FAAH: variants seen among roughly 807,000 people sequenced by gnomAD.
FAAH encodes fatty acid amide hydrolase.
A neutral mutation model predicts 69.7 loss-of-function variants in FAAH; 63 were observed. The ratio of observed to expected loss-of-function variants is 0.90; its 90% CI spans 0.74 to 1.12. The LOEUF is 1.12. FAAH is among the 50% of genes most tolerant of loss of function. The probability of loss-of-function intolerance (pLI) is 0.00; values close to 1 mark genes in which losing one functional copy is unlikely to be tolerated. For missense variants in FAAH, 680 were observed against 755.0 expected (o/e 0.90, Z 1.16); for synonymous variants, 305 against 324.2 (o/e 0.94, Z 0.64).
In FAAH at chr1:46,413,151, TG is replaced by T; in HGVS notation, c.1543del (p.Glu515ArgfsTer25). 6.2e-7 allele frequency: 1 copy of T among 1,614,132 alleles called. No individual in the cohort carries two copies. The highest frequency in any genetic ancestry group is 8.5e-7 in the Non-Finnish European group (1 of 1,180,026). On this transcript the variant is annotated frameshift_variant, in exon 14 of 15. Coordinates refer to ENST00000243167, the MANE Select transcript of FAAH (RefSeq NM_001441.3). LOFTEE classifies it high-confidence loss of function. ...GVVPVTTVTA[E>X]DEAQMEHYRG... Reference sequence around the variant, plus strand: ...TGGTGCCTGTCACCACGGTGACTGCTGAGGACGAGGCCCAGATGGAACATTA... The same window carrying T: ...TGGTGCCTGTCACCACGGTGACTGCTAGGACGAGGCCCAGATGGAACATTA...
Position 46,413,143 on chromosome 1 carries a change from G to A in FAAH, c.1534G>A (p.Val512Met), listed in dbSNP as rs1190574540. Residue 512 changes from valine (V) to methionine (M), a missense_variant, in exon 14 of 15, where the codon GTG (valine) becomes ATG (methionine). Coordinates refer to ENST00000243167, the MANE Select transcript of FAAH (RefSeq NM_001441.3). ...FPAGVVPVTT[V>M]TAEDEAQMEH... ...TGCAGGGGTGGTGCCTGTCACCACG[G>A]TGACTGCTGAGGACGAGGCCCAGAT... 2 of 1,614,048 alleles carry A rather than the reference G, an allele frequency of 1.2e-6. No individual in the cohort carries two copies. Among genetic ancestry groups the A allele is most frequent in the Non-Finnish European group, 1.7e-6 (2 of 1,180,022 alleles).
intron 8 of FAAH, 24 bp from the exon 9 acceptor site, chr1:46,409,077 C>A (rs771633969): frequency 6.3e-7 from 1 of 1,592,392 alleles, no homozygotes; most frequent in Non-Finnish European, 8.6e-7. Flanking sequence ...GGTCAGGAGG[C>A]CTTACACCCC....
chr1:46,402,233 T>A, intron 2 of FAAH, 29 bp downstream of exon 2: 1 of 1,552,122 alleles, frequency 6.4e-7, no homozygotes, highest in Non-Finnish European at 8.7e-7. Context: ...AGCCCCTCCC[T>A]GGGAAAGGTA....
rs781011333 is a variant in FAAH, at chr1:46,405,684, CG to C, written c.678del (p.Ser227LeufsTer8). 6.2e-7 allele frequency: 1 copy of C among 1,613,562 alleles called. No homozygotes were observed. The stretch of plus-strand genomic sequence containing the variant: ...CCTCAGGGGGTGAAGGGGCCCTCAT[CG>C]GGTCTGGAGGCTCCCCCCTGGGCTT... Reference protein sequence around the residue: ...GSSGGEGALIGSGGSPLGLGT... With the variant: ...GSSGGEGALIXSGGSPLGLGT... On this transcript the variant is annotated frameshift_variant, in exon 5 of 15. Coordinates refer to ENST00000243167, the MANE Select transcript of FAAH (RefSeq NM_001441.3). LOFTEE classifies it high-confidence loss of function. The surrounding 1 kb of genome is among the most constrained non-coding windows in gnomAD (Gnocchi z 4.1).
chr1:46,410,558 G>A lies in FAAH; in HGVS notation c.1275+61G>A, dbSNP rs1022361754. The stretch of plus-strand genomic sequence containing the variant: ...GGGGGGGAACCTAGGGCCTCCTATC[G>A]CATGATCCCCCATGGCCTCCCTCAG... On this transcript the variant is annotated intron_variant, in intron 10 of 14. Coordinates refer to ENST00000243167, the MANE Select transcript of FAAH (RefSeq NM_001441.3). This position sits in a 1 kb window ranked among gnomAD's most constrained non-coding sequence, Gnocchi z 4.9. 6.1e-6 allele frequency: 9 copies of A among 1,479,248 alleles called. No individual in the cohort carries two copies. Among genetic ancestry groups the A allele is most frequent in the Admixed American group, 1.7e-5 (1 of 59,118 alleles). The allele number at this position is 1,479,248 out of a possible 1,614,324, so 91.6% of individuals were successfully genotyped here. A position where few individuals can be genotyped will look rare whatever the true frequency, so the allele number is the denominator to read the frequency against.
intron 1 of FAAH, among the ~76,000 whole-genome samples, chr1:46,394,986 C>T (rs115586996): frequency 0.015 from 2,221 of 152,246 alleles, 65 homozygotes; most frequent in African/African-American, 0.049. Context: ...GACTCCCAGG[C>T]AAGAGTGCAG....
chr1:46,395,634 A>C (rs56130131), intron 1 of FAAH, among the ~76,000 whole-genome samples: 35,447 of 152,164 alleles, frequency 0.23, 4,521 homozygotes, highest in Non-Finnish European at 0.29. Flanking sequence ...GGAAGGCTTT[A>C]CAGGTTGGGA....
Position 46,412,121 on chromosome 1 carries a change from T to C in FAAH, c.1357-22T>C, listed in dbSNP as rs201683298. 5 of 1,548,608 alleles carry C rather than the reference T, an allele frequency of 3.2e-6. No individual in the cohort carries two copies. The Admixed American group carries it at 7.8e-5, about 24-fold the overall frequency. ...TGGGCTAGGTCTGAGTGCTTTCACC[T>C]GGTGTGTTGTGTCCTCCGCAGGTGT... On this transcript the variant is annotated intron_variant, in intron 12 of 14. Coordinates refer to ENST00000243167, the MANE Select transcript of FAAH (RefSeq NM_001441.3).
At chr1:46,399,652 G>C (rs1181830126) in intron 1 of FAAH, among the ~76,000 whole-genome samples, 1 of 152,144 alleles carries the variant, frequency 6.6e-6, no homozygotes, top group Non-Finnish European at 1.5e-5. Flanking sequence ...TGCTGATTTC[G>C]ATGTCCTTCT....
Position 46,394,512 on chromosome 1 carries a change from T to C in FAAH, c.164T>C (p.Met55Thr), listed in dbSNP as rs1024653476. 1.1e-4 allele frequency: 146 copies of C among 1,388,876 alleles called. No individual in the cohort carries two copies. The highest frequency in any genetic ancestry group is 1.2e-4 in the Non-Finnish European group (125 of 1,077,912). The allele number at this position is 1,388,876 out of a possible 1,614,324, so 86.0% of individuals were successfully genotyped here. ...AGGCAGCGAGCGGGCCTGGAGAACATGGACAGGGCGGCGCAGCGCTTCCGG... is the reference window on the plus strand; with the variant it reads ...AGGCAGCGAGCGGGCCTGGAGAACACGGACAGGGCGGCGCAGCGCTTCCGG... ...RQRQRAGLENMDRAAQRFRLQ... is the reference protein window; with the variant it reads ...RQRQRAGLENTDRAAQRFRLQ... The change falls in exon 1 of 15, where the codon ATG becomes ACG. Residue 55 changes from methionine to threonine, a missense_variant. Physicochemically the swap from Met to Thr is moderately conservative, Grantham distance 81 (BLOSUM62 -1). Coordinates refer to ENST00000243167, the MANE Select transcript of FAAH (RefSeq NM_001441.3).
In FAAH at chr1:46,411,162, G is replaced by A. The variant is rs1466169727; in HGVS notation, c.1316+308G>A. Reference sequence around the variant, plus strand: ...TGGGGGTTGGCCTGGGCCAAGGGTGGGGCACCCGGGAGAGATGCCACTGTT... The same window carrying A: ...TGGGGGTTGGCCTGGGCCAAGGGTGAGGCACCCGGGAGAGATGCCACTGTT... On this transcript the variant is annotated intron_variant, in intron 11 of 14. Coordinates refer to ENST00000243167, the MANE Select transcript of FAAH (RefSeq NM_001441.3). This position sits in a 1 kb window ranked among gnomAD's most constrained non-coding sequence, Gnocchi z 4.8. Among the ~76,000 whole-genome samples the A allele has an allele frequency of 6.6e-6, 1 of 152,228 alleles. No homozygotes were observed. The highest frequency in any genetic ancestry group is 1.5e-5 in the Non-Finnish European group (1 of 68,034).
intron 1 of FAAH, among the ~76,000 whole-genome samples, chr1:46,398,560 G>T (rs528785835): frequency 5.8e-4 from 87 of 150,310 alleles, no homozygotes; most frequent in African/African-American, 1.9e-3. Flanking sequence ...TTGAGTCAGA[G>T]TCTTGCTCTG....
rs929063146 is a variant in FAAH, at chr1:46,405,127, C to T, written c.423C>T (p.Leu141=). The part of the protein sequence containing the change: ...QGLLYGVPVS[L]KECFTYKGQD... ...TGCTCTATGGCGTCCCTGTGAGCCTCAAGGAGTGCTTCACCTACAAGGTAT... is the reference window on the plus strand; with the variant it reads ...TGCTCTATGGCGTCCCTGTGAGCCTTAAGGAGTGCTTCACCTACAAGGTAT... Residue 141 remains leucine (L), a synonymous_variant, in exon 3 of 15, where the codon CTC becomes CTT. Coordinates refer to ENST00000243167, the MANE Select transcript of FAAH (RefSeq NM_001441.3). This position sits in a 1 kb window ranked among gnomAD's most constrained non-coding sequence, Gnocchi z 4.1. The T allele has an allele frequency of 5.0e-6, 8 of 1,613,688 alleles. No homozygotes were observed. In the Admixed American group the frequency reaches 8.3e-5, roughly 17 times the overall value.
intron 1 of FAAH, among the ~76,000 whole-genome samples, chr1:46,395,151 G>T (rs1030792791): frequency 2.7e-4 from 41 of 152,346 alleles, no homozygotes; most frequent in Middle Eastern, 3.4e-3. Context: ...ATGTTGGCCA[G>T]GCTGATCTCA....
In FAAH at chr1:46,405,432, G is replaced by A. The variant is rs765213424; in HGVS notation, c.505G>A (p.Val169Ile). The change falls in exon 4 of 15, where the codon GTA becomes ATA. Residue 169 changes from valine (V) to isoleucine (I), a missense_variant. Transcript: ENST00000243167. This position sits in a 1 kb window ranked among gnomAD's most constrained non-coding sequence, Gnocchi z 4.1. Reference sequence around the variant, plus strand: ...AGGGGTGCCGGCGGAGTGCGACAGCGTAGTGGTGCATGTGCTGAAGCTGCA... The same window carrying A: ...AGGGGTGCCGGCGGAGTGCGACAGCATAGTGGTGCATGTGCTGAAGCTGCA... ...NEGVPAECDS[V>I]VVHVLKLQGA... 5 of 1,604,374 alleles carry A rather than the reference G, an allele frequency of 3.1e-6. No homozygotes were observed. Among genetic ancestry groups the A allele is most frequent in the Non-Finnish European group, 2.6e-6 (3 of 1,174,560 alleles).
At chr1:46,394,971 G>A (rs1664571784) in intron 1 of FAAH, among the ~76,000 whole-genome samples, 1 of 152,064 alleles carries the variant, frequency 6.6e-6, no homozygotes, top group African/African-American at 2.4e-5. Context: ...ACGGAGTCTC[G>A]CTCTGACTCC....
At chr1:46,395,198 C>A (rs1664575543) in intron 1 of FAAH, among the ~76,000 whole-genome samples, 1 of 152,232 alleles carries the variant, frequency 6.6e-6, no homozygotes, top group Non-Finnish European at 1.5e-5. Context: ...GCCTCGGCCT[C>A]CCAAAGTGCT....
At position 46,410,655 on chromosome 1, in the gene FAAH, C is replaced by T. The variant is rs1432962478; in HGVS notation, c.1275+158C>T. On this transcript the variant is annotated intron_variant, in intron 10 of 14. Coordinates refer to ENST00000243167, the MANE Select transcript of FAAH (RefSeq NM_001441.3). This position sits in a 1 kb window ranked among gnomAD's most constrained non-coding sequence, Gnocchi z 4.9. ...CACCCAGACTGCTCTCCTCCTCTGT[C>T]CCCTGCGATCTTCAGCCAACCCGCA... 1.3e-5 allele frequency among the ~76,000 whole-genome samples: 2 copies of T among 152,174 alleles called. No individual in the cohort carries two copies. The highest frequency in any genetic ancestry group is 4.8e-5 in the African/African-American group (2 of 41,442).
chr1:46,413,268 C>T, intron 14 of FAAH, 48 bp downstream of exon 14: 2 of 1,613,560 alleles, frequency 1.2e-6, no homozygotes, highest in South Asian at 2.2e-5. Context: ...CACCCTGACT[C>T]TGGCCGCTGT....
Sources: allele counts gnomAD v4.1 joint callset (sites outside exome capture counted in the v4.1 genomes callset), GRCh38; gene constraint gnomAD v4.1.1; non-coding constraint Gnocchi (gnomAD v3.1); transcripts MANE v1.5; gene names NCBI Gene and HGNC (gene_info 2026-07-23, HGNC 2026-07-21).